SORCS1: variants seen among roughly 807,000 people sequenced by gnomAD.
SORCS1 encodes the protein sortilin related VPS10 domain containing receptor 1.
A neutral mutation model predicts 146.1 loss-of-function variants in SORCS1; 60 were observed. The ratio of observed to expected loss-of-function variants is 0.41; its 90% CI spans 0.33 to 0.51. The LOEUF (loss-of-function observed/expected upper bound fraction) is 0.51. Ranked by LOEUF, SORCS1 falls within the 20% of genes least tolerant of loss-of-function variation. The pLI, the probability that SORCS1 is intolerant of heterozygous loss-of-function variation, is 0.21. For missense variants in SORCS1, 1,352 were observed against 1,487.6 expected, an observed-to-expected ratio of 0.91 and a Z score of 1.50; for synonymous variants, 637 against 584.0, an observed-to-expected ratio of 1.09 and a Z score of -1.31.
chr10:106,610,191 C>T (rs1464470104), intron 22 of SORCS1, among the ~76,000 whole-genome samples: 1 of 151,910 alleles, frequency 6.6e-6, no homozygotes, highest in African/African-American at 2.4e-5. Flanking sequence ...CCCTTCTTTA[C>T]CCCAGTATTC....
At chr10:106,900,139 C>T (rs1011410731) in intron 2 of SORCS1, among the ~76,000 whole-genome samples, 1 of 152,088 alleles carries the variant, frequency 6.6e-6, no homozygotes, top group Non-Finnish European at 1.5e-5. Context: ...ATTGCTCTTC[C>T]TATGAATTTT....
chr10:106,813,497 T>C (rs1947581345), intron 3 of SORCS1, among the ~76,000 whole-genome samples: 1 of 152,186 alleles, frequency 6.6e-6, no homozygotes, highest in African/African-American at 2.4e-5. Flanking sequence ...TAAACGAATG[T>C]ACGTTGTGAG....
At chr10:107,168,576 G>A (rs571560680), upstream of SORCS1, among the ~76,000 whole-genome samples, 3 of 151,616 alleles carry the variant, frequency 2.0e-5, no homozygotes, top group East Asian at 5.8e-4. Context: ...AAGCCTAGGA[G>A]CACAACTCTT....
chr10:107,012,098 T>G (rs917995007), intron 1 of SORCS1, among the ~76,000 whole-genome samples: 1 of 152,114 alleles, frequency 6.6e-6, no homozygotes, highest in Admixed American at 6.6e-5. Flanking sequence ...TTGCAGCAGA[T>G]TTTTTTTCGT....
At chr10:107,180,225 A>T in the SORCS1 span, among the ~76,000 whole-genome samples, 1 of 152,144 alleles carries the variant, frequency 6.6e-6, no homozygotes, top group South Asian at 2.1e-4. Flanking sequence ...TTGAACAAAC[A>T]TCTTCAGTTT....
At chr10:106,749,110 T>C (rs1857958621) in intron 5 of SORCS1, among the ~76,000 whole-genome samples, 1 of 152,228 alleles carries the variant, frequency 6.6e-6, no homozygotes, top group South Asian at 2.1e-4. Context: ...GGATAGACTG[T>C]GATTTACTTC....
intron 18 of SORCS1, among the ~76,000 whole-genome samples, chr10:106,630,942 A>C (rs2133588170): frequency 6.6e-6 from 1 of 152,198 alleles, no homozygotes; most frequent in South Asian, 2.1e-4. Flanking sequence ...AGCTTCCTTC[A>C]CACACAGTCC....
intron 18 of SORCS1, among the ~76,000 whole-genome samples, chr10:106,635,023 C>G (rs1848649515): frequency 6.6e-6 from 1 of 152,122 alleles, no homozygotes; most frequent in Non-Finnish European, 1.5e-5. Flanking sequence ...CACATGAAAT[C>G]CACGTGATGA....
At chr10:106,918,633 T>A (rs1952559876) in intron 2 of SORCS1, among the ~76,000 whole-genome samples, 1 of 149,126 alleles carries the variant, frequency 6.7e-6, no homozygotes, top group African/African-American at 2.5e-5. Flanking sequence ...AGGGAGAGAG[T>A]GGGGCAGGGA....
At chr10:107,121,371 T>A (rs1233967863) in intron 1 of SORCS1, among the ~76,000 whole-genome samples, 3 of 152,176 alleles carry the variant, frequency 2.0e-5, no homozygotes, top group Non-Finnish European at 2.9e-5. Flanking sequence ...GAGCTAGAAC[T>A]GGTTACATGA....
intron 3 of SORCS1, among the ~76,000 whole-genome samples, chr10:106,777,902 A>G (rs935920835): frequency 1.3e-5 from 2 of 152,170 alleles, no homozygotes; most frequent in African/African-American, 4.8e-5. Flanking sequence ...GAAGCATGAA[A>G]TATGTGTTTA....
At chr10:107,063,381 G>A (rs1330525746) in intron 1 of SORCS1, among the ~76,000 whole-genome samples, 1 of 152,160 alleles carries the variant, frequency 6.6e-6, no homozygotes, top group Non-Finnish European at 1.5e-5. Flanking sequence ...TTCTATGAGA[G>A]GAGAGCACTC....
In SORCS1 at chr10:106,691,930, C is replaced by T. The variant is rs974437275; in HGVS notation, c.1414-3592G>A. ...TCCAATTTGGTCATCCCCTGTGTGA[C>T]CTCTCACATTATGGTCTCCTACTCT... On this transcript the variant is annotated intron_variant, in intron 9 of 25. Coordinates refer to ENST00000263054, the MANE Select transcript of SORCS1 (RefSeq NM_052918.5). Among the ~76,000 whole-genome samples the T allele has an allele frequency of 7.7e-5, 4 of 52,280 alleles. No homozygotes were observed. The Admixed American group carries it at 8.7e-4, about 11-fold the overall frequency. 34.3% of individuals were successfully genotyped at this position (52,280 alleles called of 152,430 possible). A position where few individuals can be genotyped will look rare whatever the true frequency, so the allele number is the denominator to read the frequency against.
intron 2 of SORCS1, among the ~76,000 whole-genome samples, chr10:106,903,340 A>G (rs978746470): frequency 6.6e-5 from 10 of 152,216 alleles, no homozygotes; most frequent in African/African-American, 2.2e-4. Context: ...CAGTAAAGCC[A>G]AGGCCATACA....
intron 1 of SORCS1, among the ~76,000 whole-genome samples, chr10:106,986,433 TATTC>T (rs933605256): frequency 7.2e-5 from 11 of 152,098 alleles, no homozygotes; most frequent in South Asian, 2.1e-4. Context: ...ACTGCTAAAA[TATTC>T]ATTATTTCCA....
At chr10:106,648,964 G>A (rs1002987411) in intron 18 of SORCS1, among the ~76,000 whole-genome samples, 8 of 152,052 alleles carry the variant, frequency 5.3e-5, no homozygotes, top group South Asian at 2.1e-4. Context: ...GCAGGCCACC[G>A]ACCAGGAGAA....
Position 106,607,282 on chromosome 10 carries a change from C to T in SORCS1, c.3049G>A (p.Gly1017Ser), listed in dbSNP as rs766942715. ...AGCACCGCCACCAGGATGTGCTGGC[C>T]TGGAACCCCTGTGGCCTGAGGGACA... Reference protein sequence around the residue: ...KSLVEATGVPGQHILVAVLPG... With the variant: ...KSLVEATGVPSQHILVAVLPG... The change falls in exon 23 of 26, where the codon GGC becomes AGC. Residue 1017 changes from glycine (G) to serine (S), a missense_variant. Coordinates refer to ENST00000263054, the MANE Select transcript of SORCS1 (RefSeq NM_052918.5). 2.5e-6 allele frequency: 4 copies of T among 1,614,006 alleles called. No individual in the cohort carries two copies. In the South Asian group the frequency reaches 4.4e-5, roughly 18 times the overall value.
At chr10:107,002,682 C>T (rs1229777877) in intron 1 of SORCS1, among the ~76,000 whole-genome samples, 1 of 152,160 alleles carries the variant, frequency 6.6e-6, no homozygotes, top group Non-Finnish European at 1.5e-5. Context: ...AAAATCCAGG[C>T]TGCATTCCAC....
intron 2 of SORCS1, among the ~76,000 whole-genome samples, chr10:106,910,314 T>TGTGTGTGTGTGTGA (rs753133203): frequency 2.4e-5 from 3 of 126,776 alleles, no homozygotes; most frequent in African/African-American, 1.1e-4. Flanking sequence ...TGTGTGTGTG[T>TGTGTGTGTGTGTGA]GAGACAGTAT....
Sources: allele counts gnomAD v4.1 joint callset (sites outside exome capture counted in the v4.1 genomes callset), GRCh38; gene constraint gnomAD v4.1.1; transcripts MANE v1.5; gene names NCBI Gene and HGNC (gene_info 2026-07-23, HGNC 2026-07-21).